PLA2G4F: variants seen among roughly 807,000 people sequenced by gnomAD.
PLA2G4F encodes the protein cytosolic phospholipase A2 zeta.
In PLA2G4F, 105 loss-of-function variants were observed where a neutral mutation model predicts 103.1. That is an observed-to-expected ratio of 1.02 (90% CI 0.87 to 1.20). The LOEUF (loss-of-function observed/expected upper bound fraction) is 1.20, where lower values mean the gene tolerates loss of function less well. PLA2G4F is among the 50% of genes most tolerant of loss of function. The probability of loss-of-function intolerance (pLI) is 0.00; values close to 1 mark genes in which losing one functional copy is unlikely to be tolerated. For missense variants in PLA2G4F, 1,155 were observed against 1,075.9 expected (o/e 1.07, Z -1.03); for synonymous variants, 468 against 441.1 (o/e 1.06, Z -0.76).
At position 42,151,139 on chromosome 15, in the gene PLA2G4F, G is replaced by A. The variant is rs144370406; in HGVS notation, c.602-362C>T. On this transcript the variant is annotated intron_variant, in intron 7 of 19. Transcript: ENST00000397272. ...AGCAGTTTTCAGGCAGTGGTTTCCCGCTTGCCCCACTTCAGCCTCTTTACT... is the reference window on the plus strand; with the variant it reads ...AGCAGTTTTCAGGCAGTGGTTTCCCACTTGCCCCACTTCAGCCTCTTTACT... 3.8e-4 allele frequency: 377 copies of A among 985,334 alleles called. No individual in the cohort carries two copies. The African/African-American group carries it at 6.1e-3, about 16-fold the overall frequency. The allele number at this position is 985,334 out of a possible 1,614,324, so 61.0% of individuals were successfully genotyped here.
Position 42,140,911 on chromosome 15 carries a change from C to T in PLA2G4F, c.*1073G>A, listed in dbSNP as rs528947819. The T allele has an allele frequency of 4.2e-5, 11 of 263,904 alleles. No individual in the cohort carries two copies. The highest frequency in any genetic ancestry group is 3.0e-5 in the Non-Finnish European group (4 of 131,198). 16.3% of individuals were successfully genotyped at this position (263,904 alleles called of 1,614,324 possible). ...CCAGATGGAGAGGGCCTGGCCAGAA[C>T]GGGATCTCCTCTTCACGAATCTGAG... On this transcript the variant is annotated 3_prime_UTR_variant, in exon 20 of 20. Transcript: ENST00000397272.
At position 42,140,184 on chromosome 15, in the gene PLA2G4F, T is replaced by C. The variant is rs1170441292; in HGVS notation, c.*1800A>G. On this transcript the variant is annotated 3_prime_UTR_variant, in exon 20 of 20. Coordinates refer to ENST00000397272, the MANE Select transcript of PLA2G4F (RefSeq NM_213600.4). Reference sequence around the variant, plus strand: ...TTCTTAGAATGTAGGTTCCCATTCATTTATCAAATATTTACTGAGCACCTA... The same window carrying C: ...TTCTTAGAATGTAGGTTCCCATTCACTTATCAAATATTTACTGAGCACCTA... The C allele has an allele frequency of 2.0e-5, 3 of 152,230 alleles. No individual in the cohort carries two copies. 9.4% of individuals were successfully genotyped at this position (152,230 alleles called of 1,614,324 possible).
Position 42,141,894 on chromosome 15 carries a change from GCA to G in PLA2G4F, c.*88_*89del, listed in dbSNP as rs906891792. 10 of 1,330,644 alleles carry G rather than the reference GCA, an allele frequency of 7.5e-6. No homozygotes were observed. Among genetic ancestry groups the G allele is most frequent in the African/African-American group, 1.5e-5 (1 of 68,818 alleles). The allele number at this position is 1,330,644 out of a possible 1,614,324, so 82.4% of individuals were successfully genotyped here. On this transcript the variant is annotated 3_prime_UTR_variant, in exon 20 of 20. Transcript: ENST00000397272. ...CCTGGAGAGAAGGGAAGCAGATCCT[GCA>G]CAGAGTCCCCATCGCTCCTCCCTCT...
intron 7 of PLA2G4F, chr15:42,151,752 T>G (rs2140813230): frequency 1.2e-6 from 1 of 805,974 alleles, no homozygotes; most frequent in Non-Finnish European, 1.5e-6. Flanking sequence ...GAAGAAACCA[T>G]ATAATCCGTG....
In PLA2G4F at chr15:42,147,778, A is replaced by G; in HGVS notation, c.1060-16T>C. The G allele has an allele frequency of 6.2e-7, 1 of 1,606,882 alleles. No homozygotes were observed. On this transcript the variant is annotated splice_polypyrimidine_tract_variant and intron_variant, in intron 11 of 19. Transcript: ENST00000397272. ...CTACAGGCACCTGGGTACAATAATAACAAGGATAACGACTCCGACTACCAC... is the reference window on the plus strand; with the variant it reads ...CTACAGGCACCTGGGTACAATAATAGCAAGGATAACGACTCCGACTACCAC...
intron 10 of PLA2G4F, 45 bp downstream of exon 10, chr15:42,150,059 T>G (rs374499366): frequency 2.1e-5 from 34 of 1,613,392 alleles, no homozygotes; most frequent in Non-Finnish European, 2.8e-5. Context: ...GTCCCCGCAC[T>G]TCTAGCCCAG....
At chr15:42,153,204 G>A (rs1196496706) in intron 6 of PLA2G4F, 96 bp downstream of exon 6, 52 of 1,377,930 alleles carry the variant, frequency 3.8e-5, no homozygotes, top group Non-Finnish European at 5.0e-5. Flanking sequence ...GAGGGCTTGG[G>A]TGTCCTTCAG....
Position 42,145,626 on chromosome 15 carries a change from C to T in PLA2G4F, c.1729G>A (p.Gly577Ser), listed in dbSNP as rs781426338. The T allele has an allele frequency of 7.4e-6, 12 of 1,614,096 alleles. 1 individual carries two copies. Among genetic ancestry groups the T allele is most frequent in the South Asian group, 2.2e-5 (2 of 91,076 alleles). ...SLDEIFLKTA[G>S]SGLSFLEWYR... Reference sequence around the variant, plus strand: ...CACTCCAGGAAGCTGAGGCCCGAGCCGGCGGTCTTTAGGAAGATCTCATCC... The same window carrying T: ...CACTCCAGGAAGCTGAGGCCCGAGCTGGCGGTCTTTAGGAAGATCTCATCC... The change falls in exon 16 of 20, where the codon GGC becomes AGC. Residue 577 changes from glycine (G) to serine (S), a missense_variant. Gly to Ser is a moderately conservative substitution (Grantham distance 56). Around this residue, in one of 3 missense-constraint regions of PLA2G4F, gnomAD observed 782 missense variants for 692.9 expected, o/e 1.13. Transcript: ENST00000397272.
chr15:42,147,476 G>A (rs2048905091), intron 12 of PLA2G4F, 130 bp from the exon 13 acceptor site: 3 of 1,366,890 alleles, frequency 2.2e-6, no homozygotes, highest in Non-Finnish European at 3.0e-6. Flanking sequence ...CCAACTCAGA[G>A]GGGCGCTTGG....
chr15:42,153,595 G>A (rs374304057), intron 5 of PLA2G4F, 25 bp downstream of exon 5: 2 of 1,613,708 alleles, frequency 1.2e-6, no homozygotes, highest in African/African-American at 2.7e-5. Flanking sequence ...GAGTCTCTGA[G>A]GGCGTTGGCT....
At chr15:42,154,831 G>A (rs1394297874) in intron 2 of PLA2G4F, among the ~76,000 whole-genome samples, 2 of 152,068 alleles carry the variant, frequency 1.3e-5, no homozygotes, top group Non-Finnish European at 2.9e-5. Flanking sequence ...TGTCACCCAG[G>A]GCGGCACTCC....
rs1342058167 is a variant in PLA2G4F at position 42,153,194 on chromosome 15, G to A, written c.534+106C>T. On this transcript the variant is annotated intron_variant, in intron 6 of 19. Transcript: ENST00000397272. ...CTCCCTAGCACATCTCCCCTCCGAG[G>A]AGGGCTTGGGTGTCCTTCAGAGGCA... The A allele has an allele frequency of 1.7e-5, 22 of 1,306,418 alleles. No homozygotes were observed. In the East Asian group the frequency reaches 4.7e-4, roughly 28 times the overall value. 80.9% of individuals were successfully genotyped at this position (1,306,418 alleles called of 1,614,324 possible).
At position 42,155,572 on chromosome 15, in the gene PLA2G4F, G is replaced by C; in HGVS notation, c.129C>G (p.Tyr43Ter). The C allele has an allele frequency of 6.2e-7, 1 of 1,614,084 alleles. No individual in the cohort carries two copies. Among genetic ancestry groups the C allele is most frequent in the Non-Finnish European group, 8.5e-7 (1 of 1,179,942 alleles). ...TCAGCACCTTCACCTGGAGGTCATA[G>C]TATGGGTAGGTTTCCCGCTGCAATA... ...WRHWRRETYPYYDLQVKVLRA... is the reference protein window; with the variant it reads ...WRHWRRETYP The change falls in exon 2 of 20, where the codon TAC (tyrosine) becomes TAG (stop). Residue 43 changes from tyrosine to a stop codon, truncating the protein, a stop_gained. Coordinates refer to ENST00000397272, the MANE Select transcript of PLA2G4F (RefSeq NM_213600.4). LOFTEE classifies it high-confidence loss of function.
At position 42,156,440 on chromosome 15, in the gene PLA2G4F, C is replaced by T. The variant is rs752946660; in HGVS notation, c.110G>A (p.Arg37Gln). 1.0e-5 allele frequency: 16 copies of T among 1,558,002 alleles called. No individual in the cohort carries two copies. Among genetic ancestry groups the T allele is most frequent in the Admixed American group, 3.9e-5 (2 of 51,840 alleles). ...CCCAGGTAATCTCAGGTACGTTACCCGCCAGTGCCTCCACAGAGGGCCCCT... is the reference window on the plus strand; with the variant it reads ...CCCAGGTAATCTCAGGTACGTTACCTGCCAGTGCCTCCACAGAGGGCCCCT... ...EKRGPLWRHW[R>Q]RETYPYYDLQ... is the part of the protein sequence containing the mutation. The change falls in exon 1 of 20, where the codon CGG becomes CAG. Residue 37 changes from arginine to glutamine, a missense_variant and splice_region_variant. By Grantham distance (43) the Arg-to-Gln change is conservative. Around this residue, in one of 3 missense-constraint regions of PLA2G4F, gnomAD observed 370 missense variants for 364.9 expected, o/e 1.01. Transcript: ENST00000397272.
rs554975929 is a variant in PLA2G4F, at chr15:42,140,299, G to A, written c.*1685C>T. The A allele has an allele frequency of 6.6e-6, 1 of 152,404 alleles. No homozygotes were observed. Among genetic ancestry groups the A allele is most frequent in the Admixed American group, 6.5e-5 (1 of 15,310 alleles). 9.4% of individuals were successfully genotyped at this position (152,404 alleles called of 1,614,324 possible). Reference sequence around the variant, plus strand: ...ACTTTCTAGGAGCCAGAGACAGCCTGAGGCTCTAATGGGCACTGAAGAAAC... The same window carrying A: ...ACTTTCTAGGAGCCAGAGACAGCCTAAGGCTCTAATGGGCACTGAAGAAAC... On this transcript the variant is annotated 3_prime_UTR_variant, in exon 20 of 20. Coordinates refer to ENST00000397272, the MANE Select transcript of PLA2G4F (RefSeq NM_213600.4).
chr15:42,142,825 AG>A (rs969362523), intron 18 of PLA2G4F, 111 bp from the exon 19 acceptor site: 2 of 1,139,714 alleles, frequency 1.8e-6, no homozygotes, highest in African/African-American at 3.1e-5. Flanking sequence ...TGACTAGCTG[AG>A]TGACTTCAGG....
rs1370652578 is a variant in PLA2G4F, at chr15:42,154,228, C to T, written c.322-8G>A. On this transcript the variant is annotated splice_polypyrimidine_tract_variant and splice_region_variant and intron_variant, in intron 3 of 19. Transcript: ENST00000397272. The stretch of plus-strand genomic sequence containing the variant: ...GGTGAGCTCCAGGACGTTCTGGGGA[C>T]AAGGCAGGCAGGAGGTCCGAGCATG... 34 of 1,614,018 alleles carry T rather than the reference C, an allele frequency of 2.1e-5. No individual in the cohort carries two copies. Among genetic ancestry groups the T allele is most frequent in the Non-Finnish European group, 2.9e-5 (34 of 1,180,016 alleles).
chr15:42,147,728 C>T lies in PLA2G4F; in HGVS notation c.1094G>A (p.Gly365Glu). ...GTACAGAGAAGACATGGCTCGGGTT[C>T]CACCCCCGGAACCCAACACAGCCAC... is the stretch of plus-strand genomic sequence containing the variant. ...PVVAVLGSGG[G>E]TRAMSSLYGS... Residue 365 changes from glycine to glutamate, a missense_variant, in exon 12 of 20, where the codon GGA becomes GAA. By Grantham distance (98) the Gly-to-Glu change is moderately conservative (BLOSUM62 -2). Around this residue, in one of 3 missense-constraint regions of PLA2G4F, gnomAD observed 782 missense variants for 692.9 expected, o/e 1.13. Coordinates refer to ENST00000397272, the MANE Select transcript of PLA2G4F (RefSeq NM_213600.4). 1 of 1,613,758 alleles carries T rather than the reference C, an allele frequency of 6.2e-7. No individual in the cohort carries two copies. The highest frequency in any genetic ancestry group is 2.2e-5 in the East Asian group (1 of 44,890).
In PLA2G4F at chr15:42,156,503, G is replaced by C; in HGVS notation, c.47C>G (p.Pro16Arg). Residue 16 changes from proline (P) to arginine (R), a missense_variant, in exon 1 of 20, where the codon CCC (proline) becomes CGC (arginine). Around this residue, in one of 3 missense-constraint regions of PLA2G4F, gnomAD observed 370 missense variants for 364.9 expected, o/e 1.01. Transcript: ENST00000397272. ...WPRWLADKML[P>R]LLGAVLLQKR... ...CTGAAGCAGCACTGCCCCCAGGAGG[G>C]GCAGCATCTTGTCTGCCAGCCACCT... 6.4e-7 allele frequency: 1 copy of C among 1,560,940 alleles called. No individual in the cohort carries two copies. Among genetic ancestry groups the C allele is most frequent in the East Asian group, 2.4e-5 (1 of 42,078 alleles).
Sources: allele counts gnomAD v4.1 joint callset (sites outside exome capture counted in the v4.1 genomes callset), GRCh38; gene constraint gnomAD v4.1.1; regional missense constraint gnomAD v4.1.1; transcripts MANE v1.5; gene names NCBI Gene and HGNC (gene_info 2026-07-23, HGNC 2026-07-21).